The following RAB6A variants were observed in gnomAD, a reference collection of about 807,000 sequenced individuals.
RAB6A encodes the protein RAB6A, member RAS oncogene family.
In RAB6A, 8 loss-of-function variants were observed where a neutral mutation model predicts 32.3. The observed-to-expected ratio is 0.25, with a 90% CI of 0.15 to 0.45. RAB6A has a LOEUF of 0.45. Among genes scored for constraint, RAB6A ranks in the 20% least tolerant of loss-of-function variants. The probability of loss-of-function intolerance (pLI) is 1.00; values close to 1 mark genes in which losing one functional copy is unlikely to be tolerated. For synonymous variants in RAB6A, 73 were observed against 82.1 expected, an observed-to-expected ratio of 0.89 and a Z score of 0.60; for missense variants, 104 against 249.4, an observed-to-expected ratio of 0.42 and a Z score of 3.93.
At chr11:73,724,838 T>C (rs1477048776) in intron 2 of RAB6A, among the ~76,000 whole-genome samples, 1 of 152,208 alleles carries the variant, frequency 6.6e-6, no homozygotes, top group Non-Finnish European at 1.5e-5. Flanking sequence ...AATTATTTGA[T>C]TAACTGTTAA....
intron 1 of RAB6A, among the ~76,000 whole-genome samples, chr11:73,746,182 G>A (rs1590888157): frequency 6.6e-6 from 1 of 151,334 alleles, no homozygotes; most frequent in South Asian, 2.1e-4. Flanking sequence ...AAAAAAAGCT[G>A]TTGTAAGCTA....
Position 73,745,864 on chromosome 11 carries a change from G to A in RAB6A, c.70+14702C>T, listed in dbSNP as rs1946579617. Among the ~76,000 whole-genome samples the A allele has an allele frequency of 2.0e-5, 3 of 151,814 alleles. 1 individual carries two copies. Among genetic ancestry groups the A allele is most frequent in the Admixed American group, 2.0e-4 (3 of 15,210 alleles). ...ATAAAAAAATTAGCAGGACATGGTG[G>A]TGGCACGCATCTGTAGTCCCAGCTA... On this transcript the variant is annotated intron_variant, in intron 1 of 7. Transcript: ENST00000336083.
chr11:73,698,849 A>ATTT lies in RAB6A; in HGVS notation c.495+8568_495+8570dup, dbSNP rs555410867. On this transcript the variant is annotated intron_variant, in intron 6 of 7. Transcript: ENST00000336083. ...GTTCAGCTCAGATACTTTTTTTGCG[A>ATTT]TTTTTTTTTTTTTTTTTTTTGAGAT... is the stretch of plus-strand genomic sequence containing the variant. 1.0e-3 allele frequency among the ~76,000 whole-genome samples: 118 copies of ATTT among 118,234 alleles called. 2 individuals carry two copies. The highest frequency in any genetic ancestry group is 1.7e-3 in the African/African-American group (53 of 30,532). The allele number at this position is 118,234 out of a possible 152,430, so 77.6% of individuals were successfully genotyped here.
chr11:73,688,077 G>C (rs1368896405), intron 6 of RAB6A, among the ~76,000 whole-genome samples: 2 of 152,166 alleles, frequency 1.3e-5, no homozygotes, highest in Non-Finnish European at 2.9e-5. Flanking sequence ...AATTAAGGTA[G>C]AGCTGGTCAA....
At chr11:73,695,379 GTTT>G (rs71469463) in intron 6 of RAB6A, among the ~76,000 whole-genome samples, 1 of 147,180 alleles carries the variant, frequency 6.8e-6, no homozygotes, top group Non-Finnish European at 1.5e-5. Context: ...CAGTTTTTTT[GTTT>G]TTTTTTTTCT....
chr11:73,707,433 T>A lies in RAB6A; in HGVS notation c.482A>T (p.Tyr161Phe). Residue 161 changes from tyrosine (Y) to phenylalanine (F), a missense_variant, in exon 6 of 8, where the codon TAC becomes TTC. By Grantham distance (22) the Tyr-to-Phe change is conservative. This residue lies in a region of RAB6A where 33 missense variants were observed against 59.5 expected (regional missense o/e 0.55). Transcript: ENST00000336083. ...MFIETSAKAG[Y>F]NVKQLFRRVA... The stretch of plus-strand genomic sequence containing the variant: ...AACTCAACTTACCTGCTTTACATTG[T>A]ATCCAGCTTTTGCACTAGTTTCAAT... 6.2e-7 allele frequency: 1 copy of A among 1,612,018 alleles called. No individual in the cohort carries two copies. The highest frequency in any genetic ancestry group is 8.5e-7 in the Non-Finnish European group (1 of 1,178,240).
chr11:73,709,495 T>C (rs1945907076), intron 5 of RAB6A, among the ~76,000 whole-genome samples: 2 of 147,664 alleles, frequency 1.4e-5, no homozygotes, highest in Admixed American at 6.8e-5. Context: ...GATTTAAACA[T>C]GTTTTATAGT....
chr11:73,694,536 A>G (rs1945627256), intron 6 of RAB6A, among the ~76,000 whole-genome samples: 1 of 152,224 alleles, frequency 6.6e-6, no homozygotes, highest in African/African-American at 2.4e-5. Flanking sequence ...AAATACTAGT[A>G]CACATAAATG....
chr11:73,759,919 G>GAT, intron 1 of RAB6A: 1 of 761,174 alleles, frequency 1.3e-6, no homozygotes, highest in Non-Finnish European at 1.9e-6. Flanking sequence ...CACTGCCGAC[G>GAT]CTACCCCTTT....
chr11:73,692,175 C>A (rs896730507), intron 6 of RAB6A, among the ~76,000 whole-genome samples: 1 of 151,918 alleles, frequency 6.6e-6, no homozygotes, highest in Non-Finnish European at 1.5e-5. Context: ...AATACTTATG[C>A]CCACTGAATC....
At chr11:73,739,646 C>A (rs964103469) in intron 1 of RAB6A, among the ~76,000 whole-genome samples, 1 of 151,660 alleles carries the variant, frequency 6.6e-6, no homozygotes, top group African/African-American at 2.4e-5. Context: ...CTCAAGAAAA[C>A]CGAGGGATAT....
intron 5 of RAB6A, among the ~76,000 whole-genome samples, chr11:73,714,618 C>T (rs1270480015): frequency 1.3e-5 from 2 of 151,166 alleles, no homozygotes; most frequent in Admixed American, 6.6e-5. Context: ...GCCGAGATCG[C>T]GCCATGGCAC....
intron 1 of RAB6A, among the ~76,000 whole-genome samples, chr11:73,738,237 A>G (rs1391866049): frequency 6.6e-6 from 1 of 152,070 alleles, no homozygotes; most frequent in Non-Finnish European, 1.5e-5. Flanking sequence ...TGAACTCCTG[A>G]GCTCAAGCAA....
chr11:73,700,609 T>TGGGGGGGGGGGGGG (rs59223959), intron 6 of RAB6A, among the ~76,000 whole-genome samples: 3 of 28,628 alleles, frequency 1.0e-4, no homozygotes, highest in African/African-American at 2.0e-4. Flanking sequence ...AGTGTGTGTG[T>TGGGGGGGGGGGGGG]GGGGGGGGGG....
intron 6 of RAB6A, among the ~76,000 whole-genome samples, chr11:73,695,701 C>T (rs367865582): frequency 2.6e-5 from 4 of 152,134 alleles, no homozygotes; most frequent in East Asian, 3.8e-4. Context: ...TTCTAGAAGA[C>T]ATTCTAGGGC....
In RAB6A at chr11:73,702,307, C is replaced by A. The variant is rs1190752092; in HGVS notation, c.495+5113G>T. 5.9e-5 allele frequency among the ~76,000 whole-genome samples: 9 copies of A among 152,134 alleles called. 1 individual carries two copies. The highest frequency in any genetic ancestry group is 2.0e-4 in the Admixed American group (3 of 15,268). On this transcript the variant is annotated intron_variant, in intron 6 of 7. Coordinates refer to ENST00000336083, the MANE Select transcript of RAB6A (RefSeq NM_198896.2). ...TCCTGAGTAGCTGGAACTACAGGTG[C>A]ATGCCACCATGCTCAGCTAATTTTC...
At chr11:73,688,367 C>T (rs971060410) in intron 6 of RAB6A, among the ~76,000 whole-genome samples, 2 of 152,120 alleles carry the variant, frequency 1.3e-5, no homozygotes, top group Admixed American at 6.6e-5. Context: ...CTCTTGAAGT[C>T]CTATTTACCA....
chr11:73,748,976 T>C (rs181261258), intron 1 of RAB6A, among the ~76,000 whole-genome samples: 2 of 151,898 alleles, frequency 1.3e-5, no homozygotes, highest in Non-Finnish European at 2.9e-5. Context: ...AATAAAAAAA[T>C]TAACCAGGCG....
intron 6 of RAB6A, among the ~76,000 whole-genome samples, chr11:73,702,887 C>T (rs1443504878): frequency 1.3e-5 from 2 of 150,924 alleles, no homozygotes; most frequent in African/African-American, 2.4e-5. Flanking sequence ...GACAGAGTCT[C>T]GCTCTGTCAC....
Sources: allele counts gnomAD v4.1 joint callset (sites outside exome capture counted in the v4.1 genomes callset), GRCh38; gene constraint gnomAD v4.1.1; regional missense constraint gnomAD v4.1.1; transcripts MANE v1.5; gene names NCBI Gene and HGNC (gene_info 2026-07-23, HGNC 2026-07-21).